INPP4B: variants seen among roughly 807,000 people sequenced by gnomAD.
INPP4B encodes the protein inositol polyphosphate 4-phosphatase type II.
Under a neutral mutation model 122.5 loss-of-function variants are expected in INPP4B, and 55 were observed. That is an observed-to-expected ratio of 0.45 (90% CI 0.36 to 0.56). The LOEUF is 0.56. Ranked by LOEUF, INPP4B falls within the 20% of genes least tolerant of loss-of-function variation. The probability of loss-of-function intolerance (pLI) is 0.00; values close to 1 mark genes in which losing one functional copy is unlikely to be tolerated. For missense variants in INPP4B, 1,000 were observed against 1,097.7 expected (o/e 0.91, Z 1.26); for synonymous variants, 403 against 388.7 (o/e 1.04, Z -0.43).
intron 2 of INPP4B, among the ~76,000 whole-genome samples, chr4:142,491,911 A>G (rs1474746801): frequency 6.6e-6 from 1 of 152,142 alleles, no homozygotes; most frequent in African/African-American, 2.4e-5. Context: ...ACCTTTTTAT[A>G]CAATTTTAAA....
At position 142,119,467 on chromosome 4, in the gene INPP4B, TA is replaced by T. The variant is rs569866775; in HGVS notation, c.2135+2660del. Among the ~76,000 whole-genome samples, 128 of 152,010 alleles carry T rather than the reference TA, an allele frequency of 8.4e-4. 1 individual carries two copies. Among genetic ancestry groups the T allele is most frequent in the African/African-American group, 2.0e-3 (82 of 41,470 alleles). ...TACACCATGGAATACTATGCAGCCATAAAAAAAGATGAGTTCATGTCCTTTG... is the reference window on the plus strand; with the variant it reads ...TACACCATGGAATACTATGCAGCCATAAAAAAGATGAGTTCATGTCCTTTG... On this transcript the variant is annotated intron_variant, in intron 21 of 25. Coordinates refer to ENST00000262992, the MANE Select transcript of INPP4B (RefSeq NM_001101669.3).
intron 25 of INPP4B, among the ~76,000 whole-genome samples, chr4:142,031,137 C>T (rs1001587466): frequency 6.6e-6 from 1 of 152,050 alleles, no homozygotes; most frequent in Non-Finnish European, 1.5e-5. Flanking sequence ...CTGAAATATA[C>T]CATATTGATA....
chr4:142,715,797 C>T (rs1763683239), intron 2 of INPP4B, among the ~76,000 whole-genome samples: 1 of 152,160 alleles, frequency 6.6e-6, no homozygotes, highest in African/African-American at 2.4e-5. Context: ...TAGGCTGGGA[C>T]CATGGGGAGA....
At chr4:142,437,574 T>C (rs1223942107) in intron 3 of INPP4B, among the ~76,000 whole-genome samples, 1 of 151,998 alleles carries the variant, frequency 6.6e-6, no homozygotes, top group Non-Finnish European at 1.5e-5. Flanking sequence ...GAAGAAACCC[T>C]ACAAGCCAGA....
intron 25 of INPP4B, among the ~76,000 whole-genome samples, chr4:142,052,050 A>C (rs1484063115): frequency 6.6e-6 from 1 of 152,012 alleles, no homozygotes. Flanking sequence ...ATAAAATGAC[A>C]CATTAGACTG....
At chr4:142,650,813 G>A (rs764320618) in intron 2 of INPP4B, among the ~76,000 whole-genome samples, 8 of 152,134 alleles carry the variant, frequency 5.3e-5, no homozygotes, top group Admixed American at 1.3e-4. Context: ...ACAGATCAAC[G>A]AGACAGAAGG....
chr4:142,145,322 A>T (rs1561278655), intron 18 of INPP4B, among the ~76,000 whole-genome samples: 3 of 152,036 alleles, frequency 2.0e-5, no homozygotes, highest in Non-Finnish European at 2.9e-5. Context: ...CTTGTCATAT[A>T]TTTTTTTAGA....
chr4:142,806,781 AAGAAGG>A, intron 1 of INPP4B, among the ~76,000 whole-genome samples: 1 of 83,264 alleles, frequency 1.2e-5, no homozygotes, highest in Non-Finnish European at 2.8e-5. Flanking sequence ...GAAAGAAAGA[AAGAAGG>A]AAAGAAAGAA....
chr4:142,348,860 G>C (rs1781110464), intron 7 of INPP4B, among the ~76,000 whole-genome samples: 1 of 152,018 alleles, frequency 6.6e-6, no homozygotes, highest in African/African-American at 2.4e-5. Flanking sequence ...CTGCTGGAGG[G>C]AAAAGTGATT....
At chr4:142,340,814 CCTAGAGCAGGCCT>C (rs764407667) in intron 7 of INPP4B, among the ~76,000 whole-genome samples, 1 of 152,002 alleles carries the variant, frequency 6.6e-6, no homozygotes, top group Non-Finnish European at 1.5e-5. Context: ...AATTAAAGCC[CCTAGAGCAGGCCT>C]CTAGAGTAGG....
At chr4:142,483,744 C>T (rs1393900919) in intron 2 of INPP4B, among the ~76,000 whole-genome samples, 2 of 151,968 alleles carry the variant, frequency 1.3e-5, no homozygotes, top group African/African-American at 4.8e-5. Context: ...TACAAAGGGA[C>T]CTGAATTTCT....
At chr4:142,706,056 A>G (rs1762431933) in intron 2 of INPP4B, among the ~76,000 whole-genome samples, 1 of 152,026 alleles carries the variant, frequency 6.6e-6, no homozygotes, top group Non-Finnish European at 1.5e-5. Context: ...TCATCCCTCA[A>G]CCTTTCCTCC....
At chr4:142,784,989 C>T in intron 1 of INPP4B, among the ~76,000 whole-genome samples, 1 of 152,172 alleles carries the variant, frequency 6.6e-6, no homozygotes, top group Middle Eastern at 3.4e-3. Flanking sequence ...TTAATCATAA[C>T]ATTATAGAAT....
At chr4:142,545,706 T>TACAC (rs530143861) in intron 2 of INPP4B, among the ~76,000 whole-genome samples, 503 of 49,038 alleles carry the variant, frequency 0.01, 12 homozygotes, top group African/African-American at 0.022. Flanking sequence ...TGTGTATATA[T>TACAC]ATGTGTGTGT....
intron 24 of INPP4B, among the ~76,000 whole-genome samples, chr4:142,085,935 G>C (rs985424902): frequency 4.6e-5 from 7 of 152,202 alleles, no homozygotes; most frequent in Admixed American, 1.3e-4. Context: ...AAGTGAGCAA[G>C]AGTCTTTCTT....
intron 2 of INPP4B, among the ~76,000 whole-genome samples, chr4:142,561,398 G>A (rs1730438186): frequency 6.9e-6 from 1 of 144,496 alleles, no homozygotes; most frequent in Non-Finnish European, 1.5e-5. Flanking sequence ...ACTTGTTAAA[G>A]TTTCTTTGTT....
intron 2 of INPP4B, among the ~76,000 whole-genome samples, chr4:142,547,091 A>G (rs994056246): frequency 6.6e-6 from 1 of 150,384 alleles, no homozygotes. Flanking sequence ...CTGTATAGCA[A>G]TACATATGTT....
chr4:142,546,806 G>A (rs1829695655), intron 2 of INPP4B, among the ~76,000 whole-genome samples: 1 of 152,136 alleles, frequency 6.6e-6, no homozygotes. Flanking sequence ...AAGTGGTTGA[G>A]AGGGATGCTG....
intron 5 of INPP4B, among the ~76,000 whole-genome samples, chr4:142,415,579 G>A (rs1344581112): frequency 6.6e-6 from 1 of 152,046 alleles, no homozygotes; most frequent in Non-Finnish European, 1.5e-5. Context: ...TTCAACCATT[G>A]TGGAAGTCAG....
Sources: allele counts gnomAD v4.1 joint callset (sites outside exome capture counted in the v4.1 genomes callset), GRCh38; gene constraint gnomAD v4.1.1; transcripts MANE v1.5; gene names NCBI Gene and HGNC (gene_info 2026-07-23, HGNC 2026-07-21).